The following CAPN8 variants were observed in gnomAD, a reference collection of about 807,000 sequenced individuals.
CAPN8 encodes the protein calpain-8.
In CAPN8, 87 loss-of-function variants were observed where a neutral mutation model predicts 80.9. The ratio of observed to expected loss-of-function variants is 1.07; its 90% CI spans 0.90 to 1.28. The LOEUF is 1.28. CAPN8 is among the 50% of genes most tolerant of loss of function. The pLI is 0.00. For missense variants in CAPN8, 757 were observed against 702.0 expected (o/e 1.08, Z -0.89); for synonymous variants, 299 against 273.8 (o/e 1.09, Z -0.91).
At chr1:223,546,272 C>T (rs1441343752) in intron 16 of CAPN8, among the ~76,000 whole-genome samples, 1 of 152,152 alleles carries the variant, frequency 6.6e-6, no homozygotes, top group Non-Finnish European at 1.5e-5. Flanking sequence ...ACAGCCCCAG[C>T]TACTCAGGAG....
In CAPN8 at chr1:223,615,982, A is replaced by G; in HGVS notation, c.1299T>C (p.Tyr433=). The change falls in exon 10 of 21, where the codon TAT becomes TAC. Residue 433 remains tyrosine, a synonymous_variant. Transcript: ENST00000366872. ...AGCACAGCAGTACCTGGTAGACGGC[A>G]TAGCCGATGCTAAGCATGCCTTGTC... The part of the protein sequence containing the change: ...RIGQGMLSIG[Y]AVYQVPKELE... 6.4e-7 allele frequency: 1 copy of G among 1,552,272 alleles called. No individual in the cohort carries two copies. The highest frequency in any genetic ancestry group is 1.2e-5 in the South Asian group (1 of 84,068).
chr1:223,654,788 G>A (rs557312349), intron 1 of CAPN8, among the ~76,000 whole-genome samples: 2 of 151,248 alleles, frequency 1.3e-5, no homozygotes, highest in Non-Finnish European at 2.9e-5. Context: ...TGATTCTCCT[G>A]CCTCAGCCTA....
chr1:223,546,892 GTT>G (rs1656637974), intron 16 of CAPN8, among the ~76,000 whole-genome samples: 1 of 14,960 alleles, frequency 6.7e-5, no homozygotes, highest in Non-Finnish European at 1.9e-4. Flanking sequence ...TGTGGTTGTT[GTT>G]GTTGTTGTTG....
intron 8 of CAPN8, 139 bp from the exon 9 acceptor site, chr1:223,619,592 G>T: frequency 1.3e-6 from 1 of 799,482 alleles, no homozygotes; most frequent in Non-Finnish European, 2.0e-6. Flanking sequence ...ACAGCACACT[G>T]ATACAAACAC....
intron 1 of CAPN8, among the ~76,000 whole-genome samples, chr1:223,659,856 G>A (rs370619889): frequency 4.3e-4 from 66 of 152,280 alleles, no homozygotes; most frequent in African/African-American, 1.6e-3. Flanking sequence ...AATGGCCAGA[G>A]GGGACCAGAA....
intron 11 of CAPN8, 126 bp downstream of exon 11, chr1:223,612,120 G>A (rs184628315): frequency 3.1e-4 from 242 of 779,404 alleles, no homozygotes; most frequent in Non-Finnish European, 4.0e-4. Flanking sequence ...ATTCATGACT[G>A]GATCATGTGA....
chr1:223,662,014 A>T (rs1045801268), intron 1 of CAPN8, among the ~76,000 whole-genome samples: 2 of 152,256 alleles, frequency 1.3e-5, no homozygotes, highest in Non-Finnish European at 2.9e-5. Flanking sequence ...GACATATGCC[A>T]CAACATGGAT....
chr1:223,542,904 A>G (rs1467332501), intron 20 of CAPN8, among the ~76,000 whole-genome samples: 1 of 152,152 alleles, frequency 6.6e-6, no homozygotes, highest in Non-Finnish European at 1.5e-5. Context: ...CTTTATCTTT[A>G]CGATCATAAT....
chr1:223,558,266 G>A (rs1397629346), intron 12 of CAPN8, 99 bp from the exon 13 acceptor site: 4 of 397,060 alleles, frequency 1.0e-5, no homozygotes, highest in Non-Finnish European at 1.3e-5. Context: ...CTGAGAGATT[G>A]GGCTCGCACC....
intron 2 of CAPN8, among the ~76,000 whole-genome samples, chr1:223,641,140 C>T (rs993317198): frequency 6.6e-6 from 1 of 152,066 alleles, no homozygotes; most frequent in Non-Finnish European, 1.5e-5. Flanking sequence ...CATGATTCTT[C>T]CTCAAAACTC....
intron 2 of CAPN8, among the ~76,000 whole-genome samples, chr1:223,639,181 A>G (rs1471045452): frequency 1.3e-5 from 2 of 152,242 alleles, no homozygotes; most frequent in Non-Finnish European, 2.9e-5. Context: ...CAGAGGTTGC[A>G]GTGAGCCGAG....
chr1:223,642,303 A>C (rs1233756686), intron 2 of CAPN8, among the ~76,000 whole-genome samples: 1 of 152,240 alleles, frequency 6.6e-6, no homozygotes, highest in Non-Finnish European at 1.5e-5. Flanking sequence ...TTTCTGAACA[A>C]TGGTAACGTG....
intron 2 of CAPN8, among the ~76,000 whole-genome samples, chr1:223,649,186 G>A (rs774375013): frequency 2.0e-5 from 3 of 152,180 alleles, no homozygotes; most frequent in Non-Finnish European, 2.9e-5. Flanking sequence ...CGCTCATGTG[G>A]CCTCTGGGAC....
chr1:223,649,848 A>G (rs1485449781), intron 2 of CAPN8, among the ~76,000 whole-genome samples: 1 of 152,212 alleles, frequency 6.6e-6, no homozygotes, highest in South Asian at 2.1e-4. Context: ...TTGATGTGTA[A>G]GACAGTCTCA....
At position 223,558,174 on chromosome 1, in the gene CAPN8, T is replaced by C. The variant is rs1303239255; in HGVS notation, c.1536-7A>G. 4.3e-5 allele frequency: 17 copies of C among 398,476 alleles called. No individual in the cohort carries two copies. The highest frequency in any genetic ancestry group is 6.6e-5 in the Non-Finnish European group (15 of 226,062). 24.7% of individuals were successfully genotyped at this position (398,476 alleles called of 1,614,324 possible). On this transcript the variant is annotated splice_polypyrimidine_tract_variant and splice_region_variant and intron_variant, in intron 12 of 20. Coordinates refer to ENST00000366872, the MANE Select transcript of CAPN8 (RefSeq NM_001143962.2). ...TACCACATCCCCAATTTCTCTGAAATGCAAAGAAAGAAATAAACCAAACAT... is the reference window on the plus strand; with the variant it reads ...TACCACATCCCCAATTTCTCTGAAACGCAAAGAAAGAAATAAACCAAACAT...
intron 16 of CAPN8, among the ~76,000 whole-genome samples, chr1:223,547,828 T>G (rs1401504830): frequency 2.6e-5 from 4 of 152,134 alleles, no homozygotes. Flanking sequence ...TAAACTGAAG[T>G]CAACAGATGG....
At chr1:223,547,941 G>GA (rs1558335607) in intron 16 of CAPN8, among the ~76,000 whole-genome samples, 1 of 152,162 alleles carries the variant, frequency 6.6e-6, no homozygotes, top group Non-Finnish European at 1.5e-5. Flanking sequence ...CAAGCATGGA[G>GA]AAAAGACACG....
At chr1:223,664,393 A>G (rs1215927441) in intron 1 of CAPN8, among the ~76,000 whole-genome samples, 6 of 152,224 alleles carry the variant, frequency 3.9e-5, no homozygotes, top group Non-Finnish European at 7.3e-5. Flanking sequence ...TGGCCCAGGG[A>G]CCATATGCAG....
chr1:223,633,946 C>A (rs1323738042), intron 2 of CAPN8, among the ~76,000 whole-genome samples: 1 of 152,148 alleles, frequency 6.6e-6, no homozygotes, highest in Non-Finnish European at 1.5e-5. Flanking sequence ...CCTACAGTAG[C>A]CCCTACATTA....
Sources: allele counts gnomAD v4.1 joint callset (sites outside exome capture counted in the v4.1 genomes callset), GRCh38; gene constraint gnomAD v4.1.1; transcripts MANE v1.5; gene names NCBI Gene and HGNC (gene_info 2026-07-23, HGNC 2026-07-21).